SGK1: variants seen among roughly 807,000 people sequenced by gnomAD.
The protein encoded by SGK1 is serum/glucocorticoid regulated kinase 1, also known as serine/threonine-protein kinase Sgk1.
SGK1 carries 26 observed loss-of-function variants against 64.2 expected under a neutral mutation model. That is an observed-to-expected ratio of 0.40 (90% CI 0.30 to 0.56). The LOEUF (loss-of-function observed/expected upper bound fraction) is 0.56, where lower values mean the gene tolerates loss of function less well. Among genes scored for constraint, SGK1 ranks in the 20% least tolerant of loss-of-function variants. The probability of loss-of-function intolerance (pLI) is 0.38; values close to 1 mark genes in which losing one functional copy is unlikely to be tolerated. For missense variants in SGK1, 519 were observed against 645.6 expected, an observed-to-expected ratio of 0.80 and a Z score of 2.12; for synonymous variants, 265 against 239.7, an observed-to-expected ratio of 1.11 and a Z score of -0.98.
At position 134,170,617 on chromosome 6, in the gene SGK1, G is replaced by C. The variant is rs999987508; in HGVS notation, c.1414-182C>G. 7 of 681,766 alleles carry C rather than the reference G, an allele frequency of 1.0e-5. No individual in the cohort carries two copies. The African/African-American group carries it at 1.3e-4, about 12-fold the overall frequency. 42.2% of individuals were successfully genotyped at this position (681,766 alleles called of 1,614,324 possible). On this transcript the variant is annotated intron_variant, in intron 13 of 13. Coordinates refer to ENST00000367858, the MANE Select transcript of SGK1 (RefSeq NM_001143676.3). ...AACATAAGAATAATGTTCACTTGTT[G>C]CCTTTTGGTGCTTCGAATTGATAAA...
chr6:134,301,616 G>A (rs769122016), intron 1 of SGK1, among the ~76,000 whole-genome samples: 4 of 148,798 alleles, frequency 2.7e-5, no homozygotes, highest in Non-Finnish European at 5.9e-5. Flanking sequence ...TTTGAGACAG[G>A]GTCTTACTCT....
chr6:134,206,664 C>T (rs555982476), intron 3 of SGK1, among the ~76,000 whole-genome samples: 5 of 150,606 alleles, frequency 3.3e-5, no homozygotes, highest in East Asian at 2.0e-4. Context: ...GTCAGGAGTT[C>T]GAGACCAGCC....
chr6:134,296,430 C>T (rs1777348131), intron 1 of SGK1, among the ~76,000 whole-genome samples: 1 of 152,094 alleles, frequency 6.6e-6, no homozygotes, highest in Non-Finnish European at 1.5e-5. Context: ...TGCTGCTGTG[C>T]TCAGCTAACT....
At chr6:134,179,978 G>C (rs1775307133) in intron 3 of SGK1, among the ~76,000 whole-genome samples, 1 of 152,158 alleles carries the variant, frequency 6.6e-6, no homozygotes, top group African/African-American at 2.4e-5. Context: ...TTTTGACATA[G>C]AGTTTCACTC....
At chr6:134,255,015 T>G (rs1776659695) in intron 2 of SGK1, among the ~76,000 whole-genome samples, 1 of 152,084 alleles carries the variant, frequency 6.6e-6, no homozygotes, top group Non-Finnish European at 1.5e-5. Context: ...ATTGCAGGCA[T>G]GCGCCACCAC....
intron 1 of SGK1, among the ~76,000 whole-genome samples, chr6:134,265,718 C>G (rs1343506430): frequency 6.7e-6 from 1 of 148,328 alleles, no homozygotes; most frequent in Admixed American, 6.8e-5. Flanking sequence ...TTGTTAGTAT[C>G]ATGGGTGTTT....
chr6:134,174,128 G>C (rs769115077), intron 4 of SGK1, 48 bp from the exon 5 acceptor site: 1 of 1,380,866 alleles, frequency 7.2e-7, no homozygotes, highest in East Asian at 2.3e-5. Flanking sequence ...GCCACTAGGG[G>C]GCACACCAAC....
At chr6:134,250,586 T>C (rs1185297531) in intron 2 of SGK1, among the ~76,000 whole-genome samples, 1 of 152,182 alleles carries the variant, frequency 6.6e-6, no homozygotes, top group African/African-American at 2.4e-5. Context: ...TTTGTGTAAG[T>C]AGAATGAACC....
chr6:134,222,449 C>A (rs1463604473), intron 2 of SGK1, among the ~76,000 whole-genome samples: 1 of 151,986 alleles, frequency 6.6e-6, no homozygotes, highest in African/African-American at 2.4e-5. Context: ...AATTCTCCTG[C>A]CTCAGCCTCC....
At chr6:134,182,490 C>T (rs1253612871) in intron 3 of SGK1, among the ~76,000 whole-genome samples, 8 of 150,392 alleles carry the variant, frequency 5.3e-5, no homozygotes, top group African/African-American at 9.8e-5. Context: ...AGCGAGACTC[C>T]GTCTAAAAAA....
chr6:134,226,592 G>C (rs541750335), intron 2 of SGK1, among the ~76,000 whole-genome samples: 4 of 152,012 alleles, frequency 2.6e-5, no homozygotes, highest in African/African-American at 9.6e-5. Flanking sequence ...TACCTGGGAA[G>C]CTGAGGTGGG....
intron 1 of SGK1, among the ~76,000 whole-genome samples, chr6:134,272,321 T>C (rs1236343787): frequency 3.0e-5 from 4 of 134,648 alleles, no homozygotes; most frequent in African/African-American, 8.0e-5. Context: ...TTTTTTTTTT[T>C]TTTTGTATTT....
chr6:134,262,460 G>A (rs908804414), intron 1 of SGK1, among the ~76,000 whole-genome samples: 2 of 151,200 alleles, frequency 1.3e-5, no homozygotes, highest in African/African-American at 2.4e-5. Context: ...TTTAGAGATA[G>A]GGGGGTTTCA....
chr6:134,235,280 T>C (rs1776344542), intron 2 of SGK1, among the ~76,000 whole-genome samples: 1 of 152,204 alleles, frequency 6.6e-6, no homozygotes, highest in South Asian at 2.1e-4. Flanking sequence ...ATGTGCTATG[T>C]AAGCTTTCAC....
intron 3 of SGK1, among the ~76,000 whole-genome samples, chr6:134,176,460 T>C (rs899571829): frequency 6.6e-6 from 1 of 152,158 alleles, no homozygotes; most frequent in African/African-American, 2.4e-5. Flanking sequence ...ACCCCGCGGC[T>C]GGGGGATGTC....
intron 3 of SGK1, among the ~76,000 whole-genome samples, chr6:134,204,957 CTTTCTTTCTTTCTT>C (rs139834286): frequency 0.12 from 16,994 of 144,992 alleles, 1,239 homozygotes; most frequent in Non-Finnish European, 0.16. Context: ...CCCTCCTTTT[CTTTCTTTCTTTCTT>C]TTTCTTTCTT....
Position 134,216,605 on chromosome 6 carries a change from T to A in SGK1, c.286-9174A>T, listed in dbSNP as rs566894910. ...AGAAACTACTACCCTAGTTGCTAAC[T>A]CATTGCTCCCTAGACATTGTATTTG... On this transcript the variant is annotated intron_variant, in intron 2 of 13. Coordinates refer to ENST00000367858, the MANE Select transcript of SGK1 (RefSeq NM_001143676.3). 2.6e-5 allele frequency among the ~76,000 whole-genome samples: 4 copies of A among 152,342 alleles called. No homozygotes were observed. The East Asian group carries it at 7.7e-4, about 29-fold the overall frequency.
At chr6:134,196,409 A>G (rs1477697991) in intron 3 of SGK1, among the ~76,000 whole-genome samples, 1 of 152,108 alleles carries the variant, frequency 6.6e-6, no homozygotes, top group East Asian at 1.9e-4. Flanking sequence ...AGCCTGGGCA[A>G]CAGAGTGAGA....
At chr6:134,267,239 TTTTC>T (rs1776868318) in intron 1 of SGK1, among the ~76,000 whole-genome samples, 1 of 152,044 alleles carries the variant, frequency 6.6e-6, no homozygotes, top group South Asian at 2.1e-4. Flanking sequence ...TATATTTTCT[TTTTC>T]TTTTTTTTAA....
Sources: allele counts gnomAD v4.1 joint callset (sites outside exome capture counted in the v4.1 genomes callset), GRCh38; gene constraint gnomAD v4.1.1; transcripts MANE v1.5; gene names NCBI Gene and HGNC (gene_info 2026-07-23, HGNC 2026-07-21).